SYN3: variants seen among roughly 807,000 people sequenced by gnomAD.
SYN3 encodes synapsin III, also known as synapsin-3.
Under a neutral mutation model 65.8 loss-of-function variants are expected in SYN3, and 35 were observed. That is an observed-to-expected ratio of 0.53 (90% CI 0.41 to 0.70). The LOEUF (loss-of-function observed/expected upper bound fraction) is 0.70. SYN3 is among the 30% of genes least tolerant of loss of function. The probability of loss-of-function intolerance (pLI) is 0.00; values close to 1 mark genes in which losing one functional copy is unlikely to be tolerated. For missense variants in SYN3, 680 were observed against 749.0 expected (o/e 0.91, Z 1.08); for synonymous variants, 270 against 292.9 (o/e 0.92, Z 0.80).
intron 4 of SYN3, among the ~76,000 whole-genome samples, chr22:32,892,220 C>T (rs780520324): frequency 4.0e-5 from 6 of 151,782 alleles, no homozygotes; most frequent in African/African-American, 1.5e-4. Context: ...TGCTTGAACC[C>T]GGGAGGCTGA....
intron 5 of SYN3, among the ~76,000 whole-genome samples, chr22:32,867,708 G>A (rs893926721): frequency 6.6e-6 from 1 of 152,092 alleles, no homozygotes; most frequent in Admixed American, 6.6e-5. Context: ...TCAGACTCCC[G>A]AGTAGCTGGG....
intron 6 of SYN3, among the ~76,000 whole-genome samples, chr22:32,651,409 C>T (rs1245342179): frequency 6.6e-6 from 1 of 152,108 alleles, no homozygotes; most frequent in Non-Finnish European, 1.5e-5. Context: ...CTCCAGCTGG[C>T]CTCTGGGTAG....
intron 1 of SYN3, among the ~76,000 whole-genome samples, chr22:33,037,465 G>A (rs540062353): frequency 1.3e-5 from 2 of 152,262 alleles, no homozygotes; most frequent in South Asian, 2.1e-4. Context: ...TTATTTCTCT[G>A]CTTTCCTTTA....
chr22:32,519,670 G>C (rs2057843386), intron 12 of SYN3: 1 of 152,210 alleles, frequency 6.6e-6, no homozygotes, highest in Non-Finnish European at 1.5e-5. Context: ...AGAATTCCAA[G>C]GCCCCCAACA....
chr22:32,657,683 A>G (rs921726491), intron 6 of SYN3, among the ~76,000 whole-genome samples: 3 of 152,140 alleles, frequency 2.0e-5, no homozygotes, highest in Non-Finnish European at 4.4e-5. Context: ...AGCCTTCCCT[A>G]TGCTCAAAGG....
At chr22:32,570,653 A>G (rs1262098368) in intron 7 of SYN3, among the ~76,000 whole-genome samples, 1 of 152,032 alleles carries the variant, frequency 6.6e-6, no homozygotes, top group East Asian at 1.9e-4. Context: ...TTATAGAAAA[A>G]ACAGCTTAGA....
intron 12 of SYN3, among the ~76,000 whole-genome samples, chr22:32,520,110 AGTGT>A (rs1004810714): frequency 2.0e-5 from 3 of 152,050 alleles, no homozygotes; most frequent in African/African-American, 4.8e-5. Context: ...TAATTTTAAT[AGTGT>A]GTGTGTGCGT....
At chr22:32,916,574 T>C (rs867126318) in intron 4 of SYN3, among the ~76,000 whole-genome samples, 1 of 152,188 alleles carries the variant, frequency 6.6e-6, no homozygotes, top group Non-Finnish European at 1.5e-5. Context: ...TATTCTGTGT[T>C]TTAGTTGCCT....
intron 6 of SYN3, among the ~76,000 whole-genome samples, chr22:32,601,800 G>A (rs950748279): frequency 6.6e-6 from 1 of 152,172 alleles, no homozygotes; most frequent in Non-Finnish European, 1.5e-5. Context: ...GCTGTGGGCA[G>A]GATGGATTTG....
At chr22:32,868,680 A>C (rs1455232455) in intron 5 of SYN3, among the ~76,000 whole-genome samples, 1 of 151,974 alleles carries the variant, frequency 6.6e-6, no homozygotes, top group East Asian at 1.9e-4. Context: ...CGAACTACCA[A>C]CTTCAGGTGA....
In SYN3 at chr22:32,596,800, C is replaced by T. The variant is rs899253950; in HGVS notation, c.712-64G>A. ...AGCATTGCCACCAAGGCTCTGGGTG[C>T]TGCTTGTTCCATAGAAAGATCCATT... is the stretch of plus-strand genomic sequence containing the variant. On this transcript the variant is annotated intron_variant, in intron 6 of 13. Coordinates refer to ENST00000358763, the MANE Select transcript of SYN3 (RefSeq NM_003490.4). 5.4e-6 allele frequency: 8 copies of T among 1,493,914 alleles called. No individual in the cohort carries two copies. The Admixed American group carries it at 1.2e-4, about 23-fold the overall frequency. 92.5% of individuals were successfully genotyped at this position (1,493,914 alleles called of 1,614,324 possible). A position where few individuals can be genotyped will look rare whatever the true frequency, so the allele number is the denominator to read the frequency against.
At chr22:32,880,200 A>G (rs2049091419) in intron 4 of SYN3, among the ~76,000 whole-genome samples, 1 of 152,206 alleles carries the variant, frequency 6.6e-6, no homozygotes, top group Non-Finnish European at 1.5e-5. Context: ...TGCAAAAGGC[A>G]TTTCAACATG....
chr22:32,703,386 C>T (rs946870935), intron 6 of SYN3, among the ~76,000 whole-genome samples: 2 of 152,072 alleles, frequency 1.3e-5, no homozygotes, highest in African/African-American at 2.4e-5. Context: ...TGCCTGTAAT[C>T]CCAGCACTTT....
chr22:32,763,157 T>G (rs1220606119), intron 6 of SYN3, among the ~76,000 whole-genome samples: 1 of 151,956 alleles, frequency 6.6e-6, no homozygotes, highest in East Asian at 1.9e-4. Context: ...TGTTGTTGTT[T>G]TTTTTTTGAG....
intron 3 of SYN3, among the ~76,000 whole-genome samples, chr22:32,968,374 G>A (rs1416059812): frequency 6.6e-6 from 1 of 152,110 alleles, no homozygotes; most frequent in Non-Finnish European, 1.5e-5. Context: ...CCAGTCTCAA[G>A]CCACCATTCC....
intron 3 of SYN3, among the ~76,000 whole-genome samples, chr22:32,953,830 C>A (rs995553062): frequency 6.6e-6 from 1 of 152,194 alleles, no homozygotes; most frequent in Non-Finnish European, 1.5e-5. Context: ...CTCCTCATCC[C>A]CCTCCTCCTT....
intron 2 of SYN3, among the ~76,000 whole-genome samples, chr22:32,998,446 CA>C (rs1264390815): frequency 6.6e-6 from 1 of 151,960 alleles, no homozygotes; most frequent in Non-Finnish European, 1.5e-5. Context: ...GAAGGGTGGG[CA>C]ATAACAGCAA....
At chr22:33,024,879 T>C (rs2053614696) in intron 1 of SYN3, among the ~76,000 whole-genome samples, 2 of 152,206 alleles carry the variant, frequency 1.3e-5, no homozygotes, top group South Asian at 4.1e-4. Flanking sequence ...TCCGAGAACA[T>C]CTTATCTGAA....
chr22:32,787,192 T>C (rs2145860989), intron 6 of SYN3, among the ~76,000 whole-genome samples: 1 of 151,790 alleles, frequency 6.6e-6, no homozygotes, highest in African/African-American at 2.4e-5. Flanking sequence ...AGATTACAGG[T>C]GCGTGCCACC....
Sources: allele counts gnomAD v4.1 joint callset (sites outside exome capture counted in the v4.1 genomes callset), GRCh38; gene constraint gnomAD v4.1.1; transcripts MANE v1.5; gene names NCBI Gene and HGNC (gene_info 2026-07-23, HGNC 2026-07-21).